CADM2: variants seen among roughly 807,000 people sequenced by gnomAD.
CADM2 encodes cell adhesion molecule 2, also known as immunoglobulin superfamily member 4D.
CADM2 carries 12 observed loss-of-function variants against 49.8 expected under a neutral mutation model. The ratio of observed to expected loss-of-function variants is 0.24; its 90% confidence interval spans 0.15 to 0.39. CADM2 has a LOEUF of 0.39. CADM2 is among the 10% of genes least tolerant of loss of function. The pLI is 1.00. For missense variants in CADM2, 378 were observed against 492.3 expected, an observed-to-expected ratio of 0.77 and a Z score of 2.20; for synonymous variants, 214 against 175.4, an observed-to-expected ratio of 1.22 and a Z score of -1.74.
At chr3:85,271,375 T>C (rs543491990) in intron 1 of CADM2, among the ~76,000 whole-genome samples, 100 of 151,472 alleles carry the variant, frequency 6.6e-4, no homozygotes, top group African/African-American at 2.3e-3. Context: ...CTTAATATCT[T>C]TTAGAACACA....
At chr3:85,571,635 C>T (rs551805510) in intron 1 of CADM2, among the ~76,000 whole-genome samples, 5 of 152,188 alleles carry the variant, frequency 3.3e-5, no homozygotes, top group Non-Finnish European at 5.9e-5. Flanking sequence ...AATTCTTACT[C>T]TCTAAGCTAA....
At chr3:85,494,756 T>C (rs1170127655) in intron 1 of CADM2, among the ~76,000 whole-genome samples, 1 of 152,144 alleles carries the variant, frequency 6.6e-6, no homozygotes, top group Non-Finnish European at 1.5e-5. Context: ...TAGCCTTTAA[T>C]TAACATAAGC....
At chr3:85,559,822 A>G (rs909362849) in intron 1 of CADM2, among the ~76,000 whole-genome samples, 1 of 152,170 alleles carries the variant, frequency 6.6e-6, no homozygotes, top group Non-Finnish European at 1.5e-5. Context: ...AGGAAATTGC[A>G]TCAGTGATGA....
chr3:84,978,303 C>T (rs2031957969), intron 1 of CADM2, among the ~76,000 whole-genome samples: 1 of 152,094 alleles, frequency 6.6e-6, no homozygotes, highest in African/African-American at 2.4e-5. Flanking sequence ...TATTTTCTGG[C>T]ACACAGTTGT....
intron 1 of CADM2, among the ~76,000 whole-genome samples, chr3:85,334,949 A>G (rs1431608418): frequency 6.6e-6 from 1 of 151,400 alleles, no homozygotes; most frequent in Admixed American, 6.6e-5. Context: ...TCAAAATGTA[A>G]TAAAAATAGG....
At chr3:85,974,831 T>A (rs916665593) in intron 8 of CADM2, among the ~76,000 whole-genome samples, 1 of 151,682 alleles carries the variant, frequency 6.6e-6, no homozygotes, top group Non-Finnish European at 1.5e-5. Flanking sequence ...TTCTGTCTGT[T>A]ATTGAAATAC....
At chr3:85,656,447 T>C (rs908530033) in intron 1 of CADM2, among the ~76,000 whole-genome samples, 2 of 151,972 alleles carry the variant, frequency 1.3e-5, no homozygotes, top group Non-Finnish European at 2.9e-5. Context: ...AAAACCCATC[T>C]CTACTAAATA....
At chr3:85,494,495 C>A (rs2039803953) in intron 1 of CADM2, among the ~76,000 whole-genome samples, 1 of 151,998 alleles carries the variant, frequency 6.6e-6, no homozygotes. Flanking sequence ...AAGTTCAGTG[C>A]TTTGTATAAA....
intron 1 of CADM2, among the ~76,000 whole-genome samples, chr3:85,273,844 A>G (rs1375263260): frequency 2.0e-5 from 3 of 151,390 alleles, no homozygotes; most frequent in African/African-American, 7.3e-5. Flanking sequence ...ATGATATTGG[A>G]TGAAATCCCA....
At chr3:85,034,968 AATTTTTGTATTTTTAGTAGAG>A (rs1299297936) in intron 1 of CADM2, among the ~76,000 whole-genome samples, 3 of 151,568 alleles carry the variant, frequency 2.0e-5, no homozygotes, top group Admixed American at 2.0e-4. Context: ...ACACCGGGCT[AATTTTTGTATTTTTAGTAGAG>A]ACGGAGTTTC....
rs530783743 is a variant in CADM2, at chr3:85,310,849, A to T, written c.61+351181A>T. Among the ~76,000 whole-genome samples, 3 of 152,294 alleles carry T rather than the reference A, an allele frequency of 2.0e-5. No individual in the cohort carries two copies. The East Asian group carries it at 5.8e-4, about 29-fold the overall frequency. On this transcript the variant is annotated intron_variant, in intron 1 of 9. Transcript: ENST00000383699. Reference sequence around the variant, plus strand: ...AACCTGGAATTGGGAAAGCTAGAGAACTTAGCTTTTCTCTATTAGTTTATA... The same window carrying T: ...AACCTGGAATTGGGAAAGCTAGAGATCTTAGCTTTTCTCTATTAGTTTATA...
intron 1 of CADM2, among the ~76,000 whole-genome samples, chr3:85,105,845 C>T (rs1008700077): frequency 6.1e-5 from 9 of 148,514 alleles, no homozygotes; most frequent in Non-Finnish European, 8.9e-5. Context: ...GTCACAAGAA[C>T]AAAAAGCCAA....
intron 1 of CADM2, among the ~76,000 whole-genome samples, chr3:85,050,741 C>T (rs1465105894): frequency 6.6e-6 from 1 of 152,082 alleles, no homozygotes; most frequent in Non-Finnish European, 1.5e-5. Context: ...ATTCTATATT[C>T]TTAACATTTA....
chr3:85,164,682 T>A (rs937721628), intron 1 of CADM2, among the ~76,000 whole-genome samples: 1 of 151,996 alleles, frequency 6.6e-6, no homozygotes, highest in Admixed American at 6.6e-5. Context: ...TGTGTTTCTT[T>A]TAGAATGAGA....
At chr3:85,017,637 A>T (rs544652691) in intron 1 of CADM2, among the ~76,000 whole-genome samples, 3 of 152,270 alleles carry the variant, frequency 2.0e-5, no homozygotes, top group Non-Finnish European at 4.4e-5. Context: ...CCACGCTTTC[A>T]TACAGCCTTT....
At chr3:85,584,971 T>C (rs911611645) in intron 1 of CADM2, among the ~76,000 whole-genome samples, 1 of 152,096 alleles carries the variant, frequency 6.6e-6, no homozygotes, top group Non-Finnish European at 1.5e-5. Flanking sequence ...GGTCACCCTT[T>C]AGCCGCGGTT....
chr3:85,685,615 CTTTT>C (rs59277971), intron 1 of CADM2, among the ~76,000 whole-genome samples: 4 of 122,006 alleles, frequency 3.3e-5, no homozygotes, highest in Admixed American at 8.7e-5. Flanking sequence ...TTCTTTCTTT[CTTTT>C]TTTTTTTTTT....
chr3:86,015,561 A>G (rs1163357954), intron 8 of CADM2, among the ~76,000 whole-genome samples: 1 of 152,148 alleles, frequency 6.6e-6, no homozygotes. Context: ...TATGTTAAAA[A>G]TCTCTCCTGG....
rs778870669 is a variant in CADM2, at chr3:85,140,962, TAC to T, written c.61+181298_61+181299del. On this transcript the variant is annotated intron_variant, in intron 1 of 9. Transcript: ENST00000383699. The stretch of plus-strand genomic sequence containing the variant: ...ACACTGGTTCCTGCTGAAACCAACC[TAC>T]ACAAAACCTATGATGTCTAATCTTC... Among the ~76,000 whole-genome samples, 11 of 152,322 alleles carry T rather than the reference TAC, an allele frequency of 7.2e-5. No homozygotes were observed. In the East Asian group the frequency reaches 1.7e-3, roughly 24 times the overall value.
Sources: gnomAD v4.1 joint callset for allele counts (sites outside exome capture counted in the v4.1 genomes callset) on GRCh38, gnomAD v4.1.1 for gene constraint, MANE v1.5 for transcripts, NCBI Gene and HGNC (gene_info 2026-07-23, HGNC 2026-07-21) for gene names.